The following PVT1 variants were observed in gnomAD, a reference collection of about 807,000 sequenced individuals.
PVT1 encodes Pvt1 oncogene.
At chr8:128,047,180 G>A (rs1415117097) in intron 4 of PVT1, among the ~76,000 whole-genome samples, 1 of 152,226 alleles carries the variant, frequency 6.6e-6, no homozygotes, top group Non-Finnish European at 1.5e-5. Context: ...TTTGATGTAT[G>A]CTGAGCTTCA....
chr8:127,905,319 C>A (rs1033412703), intron 3 of PVT1, among the ~76,000 whole-genome samples: 3 of 152,220 alleles, frequency 2.0e-5, no homozygotes, highest in Non-Finnish European at 2.9e-5. Context: ...TTGTGCTGAG[C>A]TTCACTATCT....
At position 128,059,376 on chromosome 8, in the gene PVT1, T is replaced by A. The variant is rs976663574; in HGVS notation, n.913-10784T>A. Among the ~76,000 whole-genome samples the A allele has an allele frequency of 3.3e-5, 5 of 152,156 alleles. No individual in the cohort carries two copies. The South Asian group carries it at 8.3e-4, about 25-fold the overall frequency. On this transcript the variant is annotated intron_variant and non_coding_transcript_variant, in intron 4 of 10. Coordinates refer to ENST00000651587, the Ensembl canonical transcript of PVT1. Reference sequence around the variant, plus strand: ...GTGTCCACCAGGGGTGGTCAAACTATGCCTCATGGGCCAAATCTGTGCCCA... The same window carrying A: ...GTGTCCACCAGGGGTGGTCAAACTAAGCCTCATGGGCCAAATCTGTGCCCA...
intron 2 of PVT1, chr8:127,852,459 C>G (rs1201371755): frequency 6.6e-6 from 1 of 152,272 alleles, no homozygotes; most frequent in Middle Eastern, 3.2e-3. Flanking sequence ...TGCGTCGACT[C>G]TGCCTCTAGC....
chr8:127,884,055 A>G (rs1182283366), intron 2 of PVT1, among the ~76,000 whole-genome samples: 2 of 152,246 alleles, frequency 1.3e-5, no homozygotes, highest in African/African-American at 4.8e-5. Context: ...TCATATGTGT[A>G]TCGATAGCTT....
At chr8:128,054,010 C>G (rs1225028419) in intron 4 of PVT1, among the ~76,000 whole-genome samples, 2 of 152,172 alleles carry the variant, frequency 1.3e-5, no homozygotes, top group Non-Finnish European at 2.9e-5. Flanking sequence ...GACAAAAAAG[C>G]AAAATCCAGT....
At chr8:127,863,614 AC>A in intron 2 of PVT1, among the ~76,000 whole-genome samples, 1 of 152,082 alleles carries the variant, frequency 6.6e-6, no homozygotes, top group Middle Eastern at 3.2e-3. Context: ...GCAATTTCTT[AC>A]TTAGGTGTGT....
chr8:127,797,431 C>T (rs1457152006), intron 2 of PVT1, among the ~76,000 whole-genome samples: 1 of 152,108 alleles, frequency 6.6e-6, no homozygotes, highest in Non-Finnish European at 1.5e-5. Context: ...CATGGTGGGA[C>T]CCTGACTGAG....
At chr8:127,829,334 G>T (rs1268152870) in intron 2 of PVT1, among the ~76,000 whole-genome samples, 2 of 152,146 alleles carry the variant, frequency 1.3e-5, no homozygotes, top group Non-Finnish European at 2.9e-5. Context: ...TCACACACAT[G>T]TGTATATATG....
At chr8:127,920,043 T>C (rs549072370) in intron 3 of PVT1, among the ~76,000 whole-genome samples, 57 of 152,310 alleles carry the variant, frequency 3.7e-4, no homozygotes, top group Non-Finnish European at 6.6e-4. Context: ...CAGTGGTTCA[T>C]GTTCTAGCCA....
chr8:127,840,840 C>T (rs1297590825), intron 2 of PVT1, among the ~76,000 whole-genome samples: 1 of 152,256 alleles, frequency 6.6e-6, no homozygotes. Context: ...AGCCAAGTCT[C>T]TTTTAATGAG....
At chr8:127,939,119 T>C (rs60115053) in intron 3 of PVT1, among the ~76,000 whole-genome samples, 3,548 of 152,334 alleles carry the variant, frequency 0.023, 134 homozygotes, top group African/African-American at 0.081. Context: ...TTTGCAGTTA[T>C]GGAGGAAGAA....
chr8:127,821,060 GA>G (rs1293130610), intron 2 of PVT1, among the ~76,000 whole-genome samples: 1 of 152,146 alleles, frequency 6.6e-6, no homozygotes, highest in African/African-American at 2.4e-5. Flanking sequence ...GAGAGCTAGA[GA>G]AAGTATTGTT....
At chr8:127,874,911 T>G (rs541888970) in intron 2 of PVT1, among the ~76,000 whole-genome samples, 29 of 151,130 alleles carry the variant, frequency 1.9e-4, no homozygotes, top group Non-Finnish European at 3.4e-4. Context: ...CAGGTGTGTG[T>G]GTGTGTGTGT....
intron 3 of PVT1, among the ~76,000 whole-genome samples, chr8:127,970,464 A>AT (rs1257413261): frequency 2.8e-4 from 43 of 151,070 alleles, no homozygotes; most frequent in African/African-American, 1.0e-3. Flanking sequence ...TGCCTGGCTA[A>AT]TTTTTTTTGT....
At chr8:127,806,486 A>G (rs1215693105) in intron 2 of PVT1, among the ~76,000 whole-genome samples, 2 of 152,062 alleles carry the variant, frequency 1.3e-5, no homozygotes, top group African/African-American at 2.4e-5. Flanking sequence ...AGCAAAGTGG[A>G]TGATAAATGT....
intron 3 of PVT1, among the ~76,000 whole-genome samples, chr8:127,984,921 C>CTT (rs1376264520): frequency 2.7e-4 from 30 of 112,294 alleles, no homozygotes; most frequent in East Asian, 2.2e-3. Context: ...TTCTTTCTTT[C>CTT]TCTTTCTCTT....
intron 2 of PVT1, among the ~76,000 whole-genome samples, chr8:127,877,740 A>T (rs1357584221): frequency 6.6e-6 from 1 of 152,160 alleles, no homozygotes; most frequent in African/African-American, 2.4e-5. Context: ...CCTGGGCAAC[A>T]TGATGAAAAC....
At chr8:128,067,964 T>G (rs1813930719) in intron 4 of PVT1, among the ~76,000 whole-genome samples, 1 of 151,934 alleles carries the variant, frequency 6.6e-6, no homozygotes, top group African/African-American at 2.4e-5. Context: ...TTTTTTTTTT[T>G]TTGGTTATCT....
chr8:127,873,498 A>C (rs773519913), intron 2 of PVT1, among the ~76,000 whole-genome samples: 2 of 152,190 alleles, frequency 1.3e-5, no homozygotes, highest in Non-Finnish European at 2.9e-5. Flanking sequence ...TGGTATCAAT[A>C]GTAGCTAATA....
Sources: allele counts gnomAD v4.1 joint callset (sites outside exome capture counted in the v4.1 genomes callset), GRCh38; gene constraint gnomAD v4.1.1; transcripts MANE v1.5; gene names NCBI Gene and HGNC (gene_info 2026-07-23, HGNC 2026-07-21).